The following DLG2 variants were observed in gnomAD, a reference collection of about 807,000 sequenced individuals.
DLG2 encodes the protein disks large homolog 2.
In DLG2, 45 loss-of-function variants were observed where a neutral mutation model predicts 132.5. That is an observed-to-expected ratio of 0.34 (90% CI 0.27 to 0.44). The LOEUF (loss-of-function observed/expected upper bound fraction) is 0.44. Ranked by LOEUF, DLG2 falls within the 20% of genes least tolerant of loss-of-function variation. DLG2 has a pLI of 1.00. For synonymous variants in DLG2, 424 were observed against 419.6 expected, an observed-to-expected ratio of 1.01 and a Z score of -0.13; for missense variants, 1,045 against 1,196.9, an observed-to-expected ratio of 0.87 and a Z score of 1.87.
intron 20 of DLG2, among the ~76,000 whole-genome samples, chr11:83,534,944 C>G (rs143318257): frequency 5.4e-4 from 82 of 152,068 alleles, no homozygotes; most frequent in African/African-American, 1.8e-3. Flanking sequence ...CTTCGTCTCC[C>G]CCAAAAGTAA....
intron 11 of DLG2, among the ~76,000 whole-genome samples, chr11:84,023,902 C>A (rs1593305210): frequency 6.6e-6 from 1 of 152,094 alleles, no homozygotes; most frequent in East Asian, 1.9e-4. Flanking sequence ...AGTACATTTT[C>A]TCTTCTTTAT....
At chr11:83,989,048 G>A (rs1438124964) in intron 11 of DLG2, among the ~76,000 whole-genome samples, 1 of 152,090 alleles carries the variant, frequency 6.6e-6, no homozygotes, top group Non-Finnish European at 1.5e-5. Context: ...GTGAAAGAAT[G>A]AATGAACAAA....
intron 6 of DLG2, among the ~76,000 whole-genome samples, chr11:84,853,078 T>C (rs2082347479): frequency 6.6e-6 from 1 of 152,000 alleles, no homozygotes; most frequent in African/African-American, 2.4e-5. Context: ...AAGAAGGAAG[T>C]ATTAACTTCA....
chr11:85,208,914 A>G lies in DLG2; in HGVS notation c.187-54263T>C, dbSNP rs184723415. ...AGTCCTTCATTTGTTCTTGTCCTCA[A>G]TGAAAAAGGCTTATGTAAGAAAACA... On this transcript the variant is annotated intron_variant, in intron 4 of 27. Transcript: ENST00000376104. 3.3e-5 allele frequency among the ~76,000 whole-genome samples: 5 copies of G among 152,162 alleles called. No individual in the cohort carries two copies. In the East Asian group the frequency reaches 5.8e-4, roughly 18 times the overall value.
At chr11:85,585,536 T>C (rs1225336951) in intron 3 of DLG2, among the ~76,000 whole-genome samples, 1 of 152,200 alleles carries the variant, frequency 6.6e-6, no homozygotes, top group African/African-American at 2.4e-5. Flanking sequence ...TTCAGTATAA[T>C]GTTTGCTGTT....
Position 85,108,329 on chromosome 11 carries a change from G to C in DLG2, c.357+3332C>G, listed in dbSNP as rs139854212. On this transcript the variant is annotated intron_variant, in intron 6 of 27. Coordinates refer to ENST00000376104, the MANE Select transcript of DLG2 (RefSeq NM_001142699.3). ...ATTTGAAAAATATACAAGGATAATA[G>C]AGACTATCAATTTATTAGGCCTGTA... is the stretch of plus-strand genomic sequence containing the variant. 3.6e-3 allele frequency among the ~76,000 whole-genome samples: 555 copies of C among 152,134 alleles called. 4 individuals carry two copies. The highest frequency in any genetic ancestry group is 0.013 in the African/African-American group (542 of 41,522).
At chr11:84,214,292 TGAGA>T (rs2096804415) in intron 8 of DLG2, among the ~76,000 whole-genome samples, 1 of 147,158 alleles carries the variant, frequency 6.8e-6, no homozygotes, top group Non-Finnish European at 1.5e-5. Flanking sequence ...AATATATATA[TGAGA>T]GAATATATAT....
chr11:84,254,778 T>C (rs985266874), intron 7 of DLG2, among the ~76,000 whole-genome samples: 7 of 152,338 alleles, frequency 4.6e-5, no homozygotes, highest in Middle Eastern at 3.4e-3. Flanking sequence ...AGATCTATGT[T>C]ATGTGGAATC....
At chr11:83,617,360 T>C (rs1414511696) in intron 19 of DLG2, among the ~76,000 whole-genome samples, 1 of 152,196 alleles carries the variant, frequency 6.6e-6, no homozygotes, top group Admixed American at 6.5e-5. Context: ...TGCTCTTTTG[T>C]CAGTTCTATT....
chr11:84,728,450 G>A (rs1487899466), intron 6 of DLG2, among the ~76,000 whole-genome samples: 1 of 152,056 alleles, frequency 6.6e-6, no homozygotes, highest in East Asian at 1.9e-4. Context: ...CAACTTGATC[G>A]TGGTGGATAA....
At position 84,417,782 on chromosome 11, in the gene DLG2, T is replaced by A. The variant is rs188116366; in HGVS notation, c.519+116788A>T. Among the ~76,000 whole-genome samples, 217 of 152,294 alleles carry A rather than the reference T, an allele frequency of 1.4e-3. 1 individual carries two copies. The highest frequency in any genetic ancestry group is 1.4e-3 in the Admixed American group (21 of 15,296). ...CGTGTTTTTTTTCCCCACCATTTTA[T>A]GTATTATTTTCCTGGCTTTTAAACA... On this transcript the variant is annotated intron_variant, in intron 7 of 27. Coordinates refer to ENST00000376104, the MANE Select transcript of DLG2 (RefSeq NM_001142699.3).
chr11:84,434,842 G>A (rs1289687598), intron 7 of DLG2, among the ~76,000 whole-genome samples: 1 of 141,332 alleles, frequency 7.1e-6, no homozygotes, highest in Non-Finnish European at 1.5e-5. Context: ...ACTTTTCAGT[G>A]TTAAAATAGA....
At chr11:85,564,055 C>A (rs1598553468) in intron 3 of DLG2, among the ~76,000 whole-genome samples, 2 of 152,110 alleles carry the variant, frequency 1.3e-5, no homozygotes, top group Middle Eastern at 3.4e-3. Context: ...ATGGTAAACA[C>A]ATTGTTAGTG....
chr11:85,219,463 AC>A (rs1049501146), intron 4 of DLG2, among the ~76,000 whole-genome samples: 1 of 151,896 alleles, frequency 6.6e-6, no homozygotes, highest in Non-Finnish European at 1.5e-5. Context: ...TGCCTAACAT[AC>A]TGCATGATGG....
chr11:84,170,665 A>C (rs1252290745), intron 8 of DLG2, among the ~76,000 whole-genome samples: 2 of 152,168 alleles, frequency 1.3e-5, no homozygotes, highest in African/African-American at 4.8e-5. Context: ...AATATTAACC[A>C]CATCTTCAGA....
intron 18 of DLG2, among the ~76,000 whole-genome samples, chr11:83,776,861 G>A (rs1251218495): frequency 6.6e-6 from 1 of 152,192 alleles, no homozygotes; most frequent in Non-Finnish European, 1.5e-5. Flanking sequence ...CTCTCCTCTA[G>A]GTCAGAGCTT....
At chr11:84,069,678 T>G (rs1189905920) in intron 10 of DLG2, among the ~76,000 whole-genome samples, 1 of 152,208 alleles carries the variant, frequency 6.6e-6, no homozygotes, top group East Asian at 1.9e-4. Flanking sequence ...TTCTATAAAA[T>G]GCTTGCAGGA....
At chr11:85,275,091 T>C (rs1399632500) in intron 4 of DLG2, among the ~76,000 whole-genome samples, 2 of 152,198 alleles carry the variant, frequency 1.3e-5, no homozygotes. Context: ...CCTTTTCTCC[T>C]GTTAATATGC....
At chr11:83,586,143 G>A (rs1025832361) in intron 19 of DLG2, among the ~76,000 whole-genome samples, 1 of 152,192 alleles carries the variant, frequency 6.6e-6, no homozygotes, top group Admixed American at 6.5e-5. Flanking sequence ...GAATCTGGAT[G>A]GATGCAAGCC....
Sources: allele counts gnomAD v4.1 joint callset (sites outside exome capture counted in the v4.1 genomes callset), GRCh38; gene constraint gnomAD v4.1.1; transcripts MANE v1.5; gene names NCBI Gene and HGNC (gene_info 2026-07-23, HGNC 2026-07-21).